HIBADH: variants seen among roughly 807,000 people sequenced by gnomAD.
HIBADH encodes 3-hydroxyisobutyrate dehydrogenase, mitochondrial.
In HIBADH, 25 loss-of-function variants were observed where a neutral mutation model predicts 36.1. The observed-to-expected ratio is 0.69, with a 90% CI of 0.50 to 0.97. HIBADH has a LOEUF of 0.97. Among genes scored for constraint, HIBADH ranks in the 50% least tolerant of loss-of-function variants. The pLI is 0.00. For missense variants in HIBADH, 421 were observed against 418.0 expected (o/e 1.01, Z -0.06); for synonymous variants, 160 against 149.5 (o/e 1.07, Z -0.51).
In HIBADH at chr7:27,649,610, T is replaced by C. The variant is rs1466808566; in HGVS notation, c.115A>G (p.Lys39Glu). ...AGTCCAATGAATCCAACTGGAGTCT[T>C]TGAAGCCACTGACCTAGAACACACT... ...AAVCSRSVAS[K>E]TPVGFIGLGN... The change falls in exon 2 of 8, where the codon AAG becomes GAG. Residue 39 changes from lysine to glutamate, a missense_variant. Lys to Glu is a moderately conservative substitution (Grantham distance 56). Transcript: ENST00000265395. The C allele has an allele frequency of 1.2e-6, 2 of 1,613,548 alleles. No individual in the cohort carries two copies. Among genetic ancestry groups the C allele is most frequent in the Non-Finnish European group, 8.5e-7 (1 of 1,179,710 alleles).
intron 4 of HIBADH, among the ~76,000 whole-genome samples, chr7:27,573,576 C>T (rs370585159): frequency 2.6e-5 from 4 of 152,004 alleles, no homozygotes; most frequent in South Asian, 2.1e-4. Context: ...AAAAAAGGAA[C>T]GAGAAAAATT....
At chr7:27,592,948 C>T (rs1363192263) in intron 4 of HIBADH, among the ~76,000 whole-genome samples, 2 of 152,194 alleles carry the variant, frequency 1.3e-5, no homozygotes, top group African/African-American at 4.8e-5. Context: ...CCACCAGGTG[C>T]TCAGCATGCT....
intron 4 of HIBADH, among the ~76,000 whole-genome samples, chr7:27,545,519 G>A (rs564705867): frequency 3.9e-5 from 6 of 152,164 alleles, no homozygotes; most frequent in Admixed American, 2.6e-4. Flanking sequence ...AGAAAGCTGC[G>A]ACTCTAAAAC....
At position 27,641,991 on chromosome 7, in the gene HIBADH, C is replaced by T. The variant is rs1334864772; in HGVS notation, c.252+7482G>A. Among the ~76,000 whole-genome samples the T allele has an allele frequency of 8.5e-5, 13 of 152,234 alleles. No homozygotes were observed. In the East Asian group the frequency reaches 2.5e-3, roughly 29 times the overall value. On this transcript the variant is annotated intron_variant, in intron 2 of 7. Transcript: ENST00000265395. ...CCAGGCTTCCTGCCTCAGGGTGAAC[C>T]ACACACAGAATTTTCCCCACTGTGT... is the stretch of plus-strand genomic sequence containing the variant.
chr7:27,594,012 G>A (rs1213197831), intron 4 of HIBADH, among the ~76,000 whole-genome samples: 3 of 149,684 alleles, frequency 2.0e-5, no homozygotes, highest in Non-Finnish European at 4.4e-5. Context: ...GACAGAGCGA[G>A]ACTCCGTCTC....
chr7:27,584,170 GT>G (rs1784828026), intron 4 of HIBADH, among the ~76,000 whole-genome samples: 1 of 152,012 alleles, frequency 6.6e-6, no homozygotes, highest in Non-Finnish European at 1.5e-5. Context: ...ACAAATGGTG[GT>G]TTCTTAAAGG....
chr7:27,584,998 A>C (rs1784837945), intron 4 of HIBADH, among the ~76,000 whole-genome samples: 1 of 152,030 alleles, frequency 6.6e-6, no homozygotes, highest in Non-Finnish European at 1.5e-5. Flanking sequence ...CTTATAGTTA[A>C]ATCTTTACAC....
rs1786417021 is a variant in HIBADH at position 27,661,514 on chromosome 7, G to A, written c.91+1184C>T. The stretch of plus-strand genomic sequence containing the variant: ...GAGGTGGGAGGATCACCTGAGCCCA[G>A]GAGGTCGAGACTGCAGTGAGCAGTG... On this transcript the variant is annotated intron_variant, in intron 1 of 7. Coordinates refer to ENST00000265395, the MANE Select transcript of HIBADH (RefSeq NM_152740.4). Among the ~76,000 whole-genome samples, 3 of 144,076 alleles carry A rather than the reference G, an allele frequency of 2.1e-5. No homozygotes were observed. In the South Asian group the frequency reaches 6.8e-4, roughly 33 times the overall value. The allele number at this position is 144,076 out of a possible 152,430, so 94.5% of individuals were successfully genotyped here. A position where few individuals can be genotyped will look rare whatever the true frequency, so the allele number is the denominator to read the frequency against.
intron 4 of HIBADH, among the ~76,000 whole-genome samples, chr7:27,580,089 C>G (rs1299704257): frequency 6.6e-6 from 1 of 152,140 alleles, no homozygotes; most frequent in African/African-American, 2.4e-5. Flanking sequence ...TGGCTGTTTT[C>G]TACGATTTTT....
In HIBADH at chr7:27,594,153, T is replaced by G. The variant is rs542658055; in HGVS notation, c.484+35218A>C. Reference sequence around the variant, plus strand: ...ACATAAAGATGTTTTTGTTTTTTTGTTTTTTTTCTGAAACAGAGTTTCGCT... The same window carrying G: ...ACATAAAGATGTTTTTGTTTTTTTGGTTTTTTTCTGAAACAGAGTTTCGCT... On this transcript the variant is annotated intron_variant, in intron 4 of 7. Transcript: ENST00000265395. Among the ~76,000 whole-genome samples, 33 of 119,212 alleles carry G rather than the reference T, an allele frequency of 2.8e-4. 1 individual carries two copies. In the South Asian group the frequency reaches 9.0e-3, roughly 32 times the overall value. 78.2% of individuals were successfully genotyped at this position (119,212 alleles called of 152,430 possible). A position where few individuals can be genotyped will look rare whatever the true frequency, so the allele number is the denominator to read the frequency against.
chr7:27,549,383 C>T (rs755203876), intron 4 of HIBADH, among the ~76,000 whole-genome samples: 13 of 152,020 alleles, frequency 8.6e-5, no homozygotes, highest in Admixed American at 2.6e-4. Flanking sequence ...TAAATATATA[C>T]AATTTTTGTC....
intron 4 of HIBADH, among the ~76,000 whole-genome samples, chr7:27,574,345 C>A (rs764351465): frequency 2.6e-5 from 4 of 151,062 alleles, no homozygotes; most frequent in Non-Finnish European, 4.4e-5. Context: ...TGGTATCCCA[C>A]GAAGAATCTC....
intron 2 of HIBADH, 111 bp from the exon 3 acceptor site, chr7:27,632,556 G>T: frequency 1.7e-4 from 58 of 333,866 alleles, no homozygotes; most frequent in Admixed American, 2.6e-4. Flanking sequence ...AGTGCATAAA[G>T]ACTAATCCTT....
chr7:27,617,625 G>C (rs1237433277), intron 4 of HIBADH, among the ~76,000 whole-genome samples: 1 of 152,104 alleles, frequency 6.6e-6, no homozygotes, highest in Non-Finnish European at 1.5e-5. Flanking sequence ...AGAGAAGAAA[G>C]GAAGCAGCCA....
intron 4 of HIBADH, among the ~76,000 whole-genome samples, chr7:27,578,216 C>A (rs1784741625): frequency 6.6e-6 from 1 of 151,896 alleles, no homozygotes; most frequent in Non-Finnish European, 1.5e-5. Flanking sequence ...TTTGAAGATA[C>A]ATTATTTTAT....
intron 4 of HIBADH, among the ~76,000 whole-genome samples, chr7:27,602,077 C>T (rs894475461): frequency 1.3e-5 from 2 of 151,626 alleles, no homozygotes; most frequent in Admixed American, 1.3e-4. Context: ...ATTGAAAATC[C>T]TCTACCTAAA....
chr7:27,610,206 A>G (rs1369585737), intron 4 of HIBADH, among the ~76,000 whole-genome samples: 1 of 152,234 alleles, frequency 6.6e-6, no homozygotes, highest in East Asian at 1.9e-4. Flanking sequence ...AATATTTCAA[A>G]TCATTTTTAA....
chr7:27,593,784 GAA>G (rs1407723892), intron 4 of HIBADH, among the ~76,000 whole-genome samples: 1 of 151,842 alleles, frequency 6.6e-6, no homozygotes, highest in Non-Finnish European at 1.5e-5. Flanking sequence ...AGAACCAACT[GAA>G]AAACTAGTAG....
intron 2 of HIBADH, among the ~76,000 whole-genome samples, chr7:27,644,690 AG>A (rs1786030779): frequency 6.6e-6 from 1 of 151,100 alleles, no homozygotes; most frequent in African/African-American, 2.4e-5. Flanking sequence ...ACTCGAACCC[AG>A]GAGGTGGAGG....
Sources: allele counts gnomAD v4.1 joint callset (sites outside exome capture counted in the v4.1 genomes callset), GRCh38; gene constraint gnomAD v4.1.1; transcripts MANE v1.5; gene names NCBI Gene and HGNC (gene_info 2026-07-23, HGNC 2026-07-21).